The following FBXW10B variants were observed in gnomAD, a reference collection of about 807,000 sequenced individuals.
The protein encoded by FBXW10B is F-box and WD repeat domain containing 10B.
At chr17:15,593,057 C>T in the FBXW10B span, among the ~76,000 whole-genome samples, 3 of 141,114 alleles carry the variant, frequency 2.1e-5, no homozygotes, top group Non-Finnish European at 4.5e-5. Context: ...GAGCCGAGAT[C>T]GCATCACTGC....
chr17:15,594,116 T>C, the FBXW10B span, among the ~76,000 whole-genome samples: 2 of 152,208 alleles, frequency 1.3e-5, no homozygotes, highest in African/African-American at 4.8e-5. Flanking sequence ...TGCAATTTGA[T>C]TCCTAGAGTT....
the FBXW10B span, among the ~76,000 whole-genome samples, chr17:15,581,259 T>A: frequency 6.6e-6 from 1 of 152,208 alleles, no homozygotes; most frequent in Admixed American, 6.5e-5. Context: ...AAACCAGAAT[T>A]TAGCACTAAT....
chr17:15,616,049 G>A, the FBXW10B span, among the ~76,000 whole-genome samples: 6 of 152,156 alleles, frequency 3.9e-5, no homozygotes, highest in African/African-American at 1.2e-4. Context: ...TATACAAGCA[G>A]AGAGAGAGAG....
At chr17:15,583,465 C>T in the FBXW10B span, among the ~76,000 whole-genome samples, 1 of 148,806 alleles carries the variant, frequency 6.7e-6, no homozygotes, top group African/African-American at 2.4e-5. Context: ...ACCACTACAG[C>T]ATCAGTGCCC....
At chr17:15,614,813 C>T in the FBXW10B span, among the ~76,000 whole-genome samples, 1 of 152,084 alleles carries the variant, frequency 6.6e-6, no homozygotes, top group African/African-American at 2.4e-5. Flanking sequence ...ATTGTGTTTC[C>T]GATGATATTT....
chr17:15,588,449 T>G, the FBXW10B span: 3 of 197,302 alleles, frequency 1.5e-5, no homozygotes, highest in Non-Finnish European at 3.2e-5. Context: ...CATGACTAAA[T>G]ATAAAATGGA....
chr17:15,605,544 C>A, the FBXW10B span: 1 of 1,428,482 alleles, frequency 7.0e-7, no homozygotes, highest in Non-Finnish European at 9.4e-7. Context: ...GGCCTTTCAA[C>A]AAGGGAGGCA....
chr17:15,618,556 G>GAAA, the FBXW10B span, among the ~76,000 whole-genome samples: 214 of 138,618 alleles, frequency 1.5e-3, 1 homozygote, highest in African/African-American at 5.7e-3. Flanking sequence ...TAGAGTGAAT[G>GAAA]AAAAAAAAAA....
At chr17:15,610,473 G>A in the FBXW10B span, among the ~76,000 whole-genome samples, 1 of 152,124 alleles carries the variant, frequency 6.6e-6, no homozygotes, top group Non-Finnish European at 1.5e-5. Context: ...TAGTGCACTT[G>A]AATGGAAAGG....
the FBXW10B span, among the ~76,000 whole-genome samples, chr17:15,579,611 A>G: frequency 6.6e-6 from 1 of 152,204 alleles, no homozygotes; most frequent in Non-Finnish European, 1.5e-5. Flanking sequence ...ATTGTGGAAG[A>G]ATGACCAAGA....
chr17:15,613,268 G>A, the FBXW10B span, among the ~76,000 whole-genome samples: 1 of 150,540 alleles, frequency 6.6e-6, no homozygotes, highest in Non-Finnish European at 1.5e-5. Context: ...TGCTCCATAT[G>A]AGGTTGATGC....
chr17:15,580,986 T>C, the FBXW10B span, among the ~76,000 whole-genome samples: 86 of 152,286 alleles, frequency 5.6e-4, no homozygotes, highest in Middle Eastern at 0.01. Context: ...GATTAAATAA[T>C]TTGCTCAAGA....
chr17:15,614,856 G>A, the FBXW10B span, among the ~76,000 whole-genome samples: 4 of 152,130 alleles, frequency 2.6e-5, no homozygotes, highest in Non-Finnish European at 5.9e-5. Flanking sequence ...TCCCAACTTA[G>A]GAGTGCCTTG....
chr17:15,613,542 C>T, the FBXW10B span: 2 of 1,272,744 alleles, frequency 1.6e-6, no homozygotes, highest in Non-Finnish European at 2.1e-6. Flanking sequence ...CTGAAAGGTC[C>T]ACAGTCATAT....
chr17:15,612,370 C>T, the FBXW10B span, among the ~76,000 whole-genome samples: 46 of 152,096 alleles, frequency 3.0e-4, no homozygotes, highest in East Asian at 7.7e-3. Context: ...AAAAATTAGC[C>T]GGGCTTGGTG....
chr17:15,597,240 ACTG>A, the FBXW10B span, among the ~76,000 whole-genome samples: 4 of 149,586 alleles, frequency 2.7e-5, no homozygotes, highest in Non-Finnish European at 4.4e-5. Context: ...GGGTGGGTTT[ACTG>A]CTGCTTCAAC....
the FBXW10B span, chr17:15,589,064 C>A: frequency 3.8e-4 from 605 of 1,603,438 alleles, no homozygotes; most frequent in Non-Finnish European, 5.0e-4. Context: ...TGGACAGCGG[C>A]CACGGGCAGC....
At chr17:15,618,208 G>T in the FBXW10B span, among the ~76,000 whole-genome samples, 1 of 152,108 alleles carries the variant, frequency 6.6e-6, no homozygotes, top group African/African-American at 2.4e-5. Flanking sequence ...CGCACCTGTA[G>T]TCCCAGCTAC....
the FBXW10B span, chr17:15,618,866 T>C: frequency 8.8e-6 from 13 of 1,478,858 alleles, no homozygotes; most frequent in South Asian, 1.4e-4. Context: ...CAGGACGAGG[T>C]GTCAGTTCAA....
Sources: allele counts gnomAD v4.1 joint callset (sites outside exome capture counted in the v4.1 genomes callset), GRCh38; gene constraint gnomAD v4.1.1; transcripts MANE v1.5; gene names NCBI Gene and HGNC (gene_info 2026-07-23, HGNC 2026-07-21).